ADCY2: variants seen among roughly 807,000 people sequenced by gnomAD.
ADCY2 encodes the protein adenylate cyclase type 2.
In ADCY2, 31 loss-of-function variants were observed where a neutral mutation model predicts 125.2. The ratio of observed to expected loss-of-function variants is 0.25; its 90% CI spans 0.19 to 0.33. ADCY2 has a LOEUF of 0.33. Among genes scored for constraint, ADCY2 ranks in the 10% least tolerant of loss-of-function variants. The probability of loss-of-function intolerance (pLI) is 1.00; values close to 1 mark genes in which losing one functional copy is unlikely to be tolerated. For synonymous variants in ADCY2, 512 were observed against 548.4 expected, an observed-to-expected ratio of 0.93 and a Z score of 0.93; for missense variants, 904 against 1,418.2, an observed-to-expected ratio of 0.64 and a Z score of 5.82.
At chr5:7,608,440 G>A (rs1273378475) in intron 3 of ADCY2, among the ~76,000 whole-genome samples, 1 of 152,110 alleles carries the variant, frequency 6.6e-6, no homozygotes, top group East Asian at 1.9e-4. Context: ...GCCGGGCGTG[G>A]TGGTGCATGT....
chr5:7,440,779 C>G (rs1184488964), intron 2 of ADCY2, among the ~76,000 whole-genome samples: 1 of 152,088 alleles, frequency 6.6e-6, no homozygotes, highest in African/African-American at 2.4e-5. Flanking sequence ...CAAAAGAAAT[C>G]AATAAATGCT....
rs548682618 is a variant in ADCY2 at position 7,822,959 on chromosome 5, C to T, written c.3123+2270C>T. On this transcript the variant is annotated intron_variant, in intron 24 of 24. Transcript: ENST00000338316. ...AGCTTAGCCAAGACATGCGAATAGC[C>T]TTGCCTCCTAAAATTGACTGCACAG... 6.6e-5 allele frequency among the ~76,000 whole-genome samples: 10 copies of T among 152,324 alleles called. No individual in the cohort carries two copies. In the South Asian group the frequency reaches 2.1e-3, roughly 32 times the overall value.
At chr5:7,589,515 G>GAAAGAAAGAAAGAAAGAA (rs1561112613) in intron 3 of ADCY2, among the ~76,000 whole-genome samples, 1 of 54,154 alleles carries the variant, frequency 1.8e-5, no homozygotes, top group African/African-American at 5.6e-5. Flanking sequence ...AGAAAGAAAA[G>GAAAGAAAGAAAGAAAGAA]AAAAGAAAGA....
chr5:7,826,901 G>T lies in ADCY2; in HGVS notation c.*30G>T. The T allele has an allele frequency of 6.4e-7, 1 of 1,574,796 alleles. No homozygotes were observed. The highest frequency in any genetic ancestry group is 1.7e-4 in the Middle Eastern group (1 of 5,802). On this transcript the variant is annotated 3_prime_UTR_variant, in exon 25 of 25. Transcript: ENST00000338316. Reference sequence around the variant, plus strand: ...TCACCTTCATTTTGGCAAGAAGACTGTATTTTCAGGAAGGTATCACACACT... The same window carrying T: ...TCACCTTCATTTTGGCAAGAAGACTTTATTTTCAGGAAGGTATCACACACT...
Position 7,414,560 on chromosome 5 carries a change from T to C in ADCY2, c.211-13T>C. The C allele has an allele frequency of 6.3e-7, 1 of 1,592,294 alleles. No individual in the cohort carries two copies. Among genetic ancestry groups the C allele is most frequent in the African/African-American group, 1.4e-5 (1 of 74,022 alleles). ...AAATGGTAACTTTTCCATGTATTTT[T>C]TTATCTCCTCAGGAAGTTGAAGACC... On this transcript the variant is annotated splice_polypyrimidine_tract_variant and intron_variant, in intron 1 of 24. Transcript: ENST00000338316.
At chr5:7,665,253 C>T (rs1357173998) in intron 4 of ADCY2, among the ~76,000 whole-genome samples, 1 of 152,176 alleles carries the variant, frequency 6.6e-6, no homozygotes, top group Non-Finnish European at 1.5e-5. Flanking sequence ...TCTTTGGCTG[C>T]ATTTAAAGGC....
At chr5:7,584,042 T>A (rs1405213407) in intron 3 of ADCY2, among the ~76,000 whole-genome samples, 3 of 152,090 alleles carry the variant, frequency 2.0e-5, no homozygotes, top group Non-Finnish European at 2.9e-5. Context: ...AGTGGTTGCC[T>A]CTAGGAAAGA....
intron 15 of ADCY2, among the ~76,000 whole-genome samples, chr5:7,745,527 G>A (rs1742570652): frequency 6.6e-6 from 1 of 152,168 alleles, no homozygotes; most frequent in African/African-American, 2.4e-5. Flanking sequence ...CACTCCGAAA[G>A]GCCCTGATGG....
chr5:7,551,094 G>T (rs1359656350), intron 3 of ADCY2, among the ~76,000 whole-genome samples: 2 of 117,478 alleles, frequency 1.7e-5, no homozygotes, highest in Non-Finnish European at 3.3e-5. Context: ...ACCAAAAATT[G>T]AAAATCTTCT....
intron 3 of ADCY2, among the ~76,000 whole-genome samples, chr5:7,526,474 T>A (rs1055527881): frequency 3.9e-5 from 6 of 152,168 alleles, no homozygotes; most frequent in Admixed American, 1.3e-4. Flanking sequence ...AGAATTGTAA[T>A]GTTCCCAACA....
intron 3 of ADCY2, among the ~76,000 whole-genome samples, chr5:7,580,083 A>T (rs2126610948): frequency 6.6e-6 from 1 of 152,260 alleles, no homozygotes; most frequent in African/African-American, 2.4e-5. Context: ...TTGAATAAAG[A>T]CCCTAGGAGC....
In ADCY2 at chr5:7,743,740, T is replaced by C. The variant is rs1742515680; in HGVS notation, c.1944T>C (p.Ala648=). 1.9e-6 allele frequency: 3 copies of C among 1,614,018 alleles called. No homozygotes were observed. The highest frequency in any genetic ancestry group is 2.5e-6 in the Non-Finnish European group (3 of 1,180,000). Residue 648 remains alanine (A), a synonymous_variant, in exon 15 of 25, where the codon GCT becomes GCC. Transcript: ENST00000338316. ...CCTTCATCCTCTTCGTCTGCTTTGC[T>C]GGACAGCTTCTGGTAGGTATTCAAA... The part of the protein sequence containing the change: ...LLAFILFVCF[A]GQLLQCSKKA...
intron 2 of ADCY2, among the ~76,000 whole-genome samples, chr5:7,492,909 T>G (rs1743214702): frequency 6.6e-6 from 1 of 152,118 alleles, no homozygotes; most frequent in Admixed American, 6.6e-5. Flanking sequence ...GTGGCTGTGA[T>G]GAGACCCCTG....
chr5:7,454,112 G>T (rs948595990), intron 2 of ADCY2, among the ~76,000 whole-genome samples: 2 of 152,052 alleles, frequency 1.3e-5, no homozygotes, highest in Non-Finnish European at 2.9e-5. Flanking sequence ...TTGGGTGGGG[G>T]GTGCCCTCTC....
intron 3 of ADCY2, among the ~76,000 whole-genome samples, chr5:7,579,955 G>A (rs1451162475): frequency 6.6e-6 from 1 of 152,194 alleles, no homozygotes; most frequent in African/African-American, 2.4e-5. Context: ...AAAATCATGT[G>A]TTTTGCAGCA....
At chr5:7,699,106 T>C (rs1740993311) in intron 7 of ADCY2, among the ~76,000 whole-genome samples, 1 of 117,494 alleles carries the variant, frequency 8.5e-6, no homozygotes, top group Non-Finnish European at 1.7e-5. Context: ...TTTTTTTTTT[T>C]TTTTTTTTTG....
In ADCY2 at chr5:7,743,663, G is replaced by A. The variant is rs751233834; in HGVS notation, c.1872-5G>A. The A allele has an allele frequency of 1.4e-5, 23 of 1,613,098 alleles. No homozygotes were observed. The highest frequency in any genetic ancestry group is 4.5e-5 in the East Asian group (2 of 44,870). ...CCTGACTTGCTGCTTTTTGTTTCCC[G>A]GTAGAACGTCCGTCCTGGGCATCTC... On this transcript the variant is annotated splice_polypyrimidine_tract_variant and splice_region_variant and intron_variant, in intron 14 of 24. Coordinates refer to ENST00000338316, the MANE Select transcript of ADCY2 (RefSeq NM_020546.3).
At chr5:7,405,150 A>G (rs1403383574) in intron 1 of ADCY2, among the ~76,000 whole-genome samples, 1 of 152,132 alleles carries the variant, frequency 6.6e-6, no homozygotes, top group Non-Finnish European at 1.5e-5. Flanking sequence ...TCAAGCATAC[A>G]TGGGATGAAA....
Position 7,570,314 on chromosome 5 carries a change from T to G in ADCY2, c.570+49415T>G, listed in dbSNP as rs1736028528. ...TGTGTTAAATATCATCATGAGAAACTTAAATGGACCAACTAAAATATTTTA... is the reference window on the plus strand; with the variant it reads ...TGTGTTAAATATCATCATGAGAAACGTAAATGGACCAACTAAAATATTTTA... On this transcript the variant is annotated intron_variant, in intron 3 of 24. Transcript: ENST00000338316. 2.6e-5 allele frequency among the ~76,000 whole-genome samples: 4 copies of G among 152,122 alleles called. No homozygotes were observed. In the South Asian group the frequency reaches 8.3e-4, roughly 32 times the overall value.
Sources: allele counts gnomAD v4.1 joint callset (sites outside exome capture counted in the v4.1 genomes callset), GRCh38; gene constraint gnomAD v4.1.1; transcripts MANE v1.5; gene names NCBI Gene and HGNC (gene_info 2026-07-23, HGNC 2026-07-21).